Variants in PRELP observed in about 807,000 individuals in gnomAD.
PRELP encodes proline and arginine rich end leucine rich repeat protein, also known as prolargin.
A neutral mutation model predicts 22.8 loss-of-function variants in PRELP; 16 were observed. The observed-to-expected ratio is 0.70, with a 90% CI of 0.47 to 1.06. The LOEUF is 1.06. PRELP is among the 50% of genes least tolerant of loss of function. The pLI is 0.00. For synonymous variants in PRELP, 233 were observed against 211.4 expected (o/e 1.10, Z -0.89); for missense variants, 434 against 485.2 (o/e 0.89, Z 0.99).
intron 2 of PRELP, among the ~76,000 whole-genome samples, chr1:203,484,703 G>A (rs1180622620): frequency 6.6e-6 from 1 of 152,300 alleles, no homozygotes; most frequent in Middle Eastern, 3.4e-3. Flanking sequence ...TGGCAGTCAG[G>A]AAAAGAAGGT....
At position 203,481,236 on chromosome 1, in the gene PRELP, A is replaced by T. The variant is rs754190627; in HGVS notation, c.-16-1933A>T. 2.4e-3 allele frequency among the ~76,000 whole-genome samples: 360 copies of T among 150,832 alleles called. 1 individual carries two copies. Among genetic ancestry groups the T allele is most frequent in the Non-Finnish European group, 3.3e-3 (224 of 67,524 alleles). ...AGGCTTCTGGGTGATTAGAAAATAAATTTTTTTTTTTAAATCAGGGTCACA... is the reference window on the plus strand; with the variant it reads ...AGGCTTCTGGGTGATTAGAAAATAATTTTTTTTTTTTAAATCAGGGTCACA... On this transcript the variant is annotated intron_variant, in intron 1 of 2. Transcript: ENST00000343110.
intron 2 of PRELP, among the ~76,000 whole-genome samples, 165 bp from the exon 3 acceptor site, chr1:203,486,541 A>G (rs1231827338): frequency 6.6e-6 from 1 of 152,210 alleles, no homozygotes; most frequent in Non-Finnish European, 1.5e-5. Flanking sequence ...GAGTAAACTG[A>G]GCCTGGAGGT....
At position 203,491,310 on chromosome 1, in the gene PRELP, G is replaced by C. The variant is rs540938936; in HGVS notation, c.*4429G>C. ...CGCTGACTCTTTTCGGACTCAGCCC[G>C]CCTGCACCCAGGTGAAATAAACAGC... On this transcript the variant is annotated 3_prime_UTR_variant, in exon 3 of 3. Coordinates refer to ENST00000343110, the MANE Select transcript of PRELP (RefSeq NM_002725.4). The surrounding 1 kb of genome is among the most constrained non-coding windows in gnomAD (Gnocchi z 4.4). The C allele has an allele frequency of 6.6e-6, 1 of 152,044 alleles. No individual in the cohort carries two copies. Among genetic ancestry groups the C allele is most frequent in the Admixed American group, 6.6e-5 (1 of 15,266 alleles). 9.4% of individuals were successfully genotyped at this position (152,044 alleles called of 1,614,324 possible).
At chr1:203,478,824 A>C (rs1256798418) in intron 1 of PRELP, among the ~76,000 whole-genome samples, 1 of 152,076 alleles carries the variant, frequency 6.6e-6, no homozygotes, top group East Asian at 1.9e-4. Flanking sequence ...CTCCTTTGTT[A>C]TCTCAGGACC....
In PRELP at chr1:203,483,467, C is replaced by A. The variant is rs537589540; in HGVS notation, c.283C>A (p.Arg95=). The change falls in exon 2 of 3, where the codon CGA becomes AGA. Residue 95 remains arginine (R), a synonymous_variant. Transcript: ENST00000343110. The surrounding 1 kb of genome is among the most constrained non-coding windows in gnomAD (Gnocchi z 4.4). ...CCTCTACTGTGATAGCCGCAACCTG[C>A]GAAAGGTCCCTGTCATCCCGCCCCG... is the stretch of plus-strand genomic sequence containing the variant. ...SALYCDSRNL[R]KVPVIPPRIH... 6 of 1,614,206 alleles carry A rather than the reference C, an allele frequency of 3.7e-6. No homozygotes were observed. Among genetic ancestry groups the A allele is most frequent in the African/African-American group, 2.7e-5 (2 of 75,064 alleles).
chr1:203,483,742 C>G lies in PRELP; in HGVS notation c.558C>G (p.Ile186Met), dbSNP rs1394308291. Residue 186 changes from isoleucine to methionine, a missense_variant, in exon 2 of 3, where the codon ATC (isoleucine) becomes ATG (methionine). By Grantham distance (10) the Ile-to-Met change is conservative. Coordinates refer to ENST00000343110, the MANE Select transcript of PRELP (RefSeq NM_002725.4). This position sits in a 1 kb window ranked among gnomAD's most constrained non-coding sequence, Gnocchi z 4.4. ...TGAGCCAGAACCACATCTCCAGAAT[C>G]CCGCCTGGTGTCTTCAGCAAGCTGG... ...LRLSQNHISR[I>M]PPGVFSKLEN... 1 of 1,614,236 alleles carries G rather than the reference C, an allele frequency of 6.2e-7. No homozygotes were observed. The highest frequency in any genetic ancestry group is 1.7e-5 in the Admixed American group (1 of 60,032).
intron 2 of PRELP, 69 bp from the exon 3 acceptor site, chr1:203,486,637 C>T: frequency 1.4e-6 from 2 of 1,442,052 alleles, no homozygotes; most frequent in Admixed American, 1.8e-5. Flanking sequence ...GGTGTCTTCC[C>T]CCTTCCCCTT....
At chr1:203,477,549 C>CATGT (rs1196555183) in intron 1 of PRELP, among the ~76,000 whole-genome samples, 1 of 152,110 alleles carries the variant, frequency 6.6e-6, no homozygotes, top group African/African-American at 2.4e-5. Context: ...ACCCCAGGAG[C>CATGT]ATGTGCTGGG....
intron 1 of PRELP, among the ~76,000 whole-genome samples, chr1:203,479,119 G>T (rs1040215370): frequency 6.6e-6 from 1 of 152,136 alleles, no homozygotes; most frequent in South Asian, 2.1e-4. Flanking sequence ...AGGCTTAGGG[G>T]TGACCAATTA....
chr1:203,486,969 C>G lies in PRELP; in HGVS notation c.*88C>G. The G allele has an allele frequency of 2.9e-6, 4 of 1,374,440 alleles. No homozygotes were observed. The highest frequency in any genetic ancestry group is 3.9e-6 in the Non-Finnish European group (4 of 1,023,402). The allele number at this position is 1,374,440 out of a possible 1,614,324, so 85.1% of individuals were successfully genotyped here. On this transcript the variant is annotated 3_prime_UTR_variant, in exon 3 of 3. Transcript: ENST00000343110. ...CCGGCCATTCGTTTTCTCTCTCTCC[C>G]TTTCTTTCTCCCAGCTTTGCCTCCC...
chr1:203,484,859 T>A (rs1661066709), intron 2 of PRELP, among the ~76,000 whole-genome samples: 1 of 152,234 alleles, frequency 6.6e-6, no homozygotes, highest in Admixed American at 6.5e-5. Flanking sequence ...GTTGCAGTTT[T>A]GCTTCAATCA....
chr1:203,480,694 G>A (rs1165178255), intron 1 of PRELP, among the ~76,000 whole-genome samples: 5 of 152,236 alleles, frequency 3.3e-5, no homozygotes, highest in Non-Finnish European at 5.9e-5. Context: ...CAGCCCTGGG[G>A]CTGAGGGAAG....
intron 1 of PRELP, among the ~76,000 whole-genome samples, chr1:203,481,562 A>G (rs1661000448): frequency 6.6e-6 from 1 of 152,224 alleles, no homozygotes; most frequent in Non-Finnish European, 1.5e-5. Flanking sequence ...GGCCAGGGAA[A>G]ATGGCCTTCC....
chr1:203,486,698 T>C lies in PRELP; in HGVS notation c.974-8T>C, dbSNP rs1438640834. 2.5e-6 allele frequency: 4 copies of C among 1,606,438 alleles called. No individual in the cohort carries two copies. Reference sequence around the variant, plus strand: ...TCCCTTCTGATTTCTCGTCTTCTTTTTCCGTAGAAATCAACGGAACCCAGA... The same window carrying C: ...TCCCTTCTGATTTCTCGTCTTCTTTCTCCGTAGAAATCAACGGAACCCAGA... On this transcript the variant is annotated splice_polypyrimidine_tract_variant and splice_region_variant and intron_variant, in intron 2 of 2. Coordinates refer to ENST00000343110, the MANE Select transcript of PRELP (RefSeq NM_002725.4).
chr1:203,481,218 T>C (rs972965538), intron 1 of PRELP, among the ~76,000 whole-genome samples: 2 of 150,680 alleles, frequency 1.3e-5, no homozygotes, highest in Non-Finnish European at 1.5e-5. Context: ...TCTAGGCTTC[T>C]GGGTGATTAG....
chr1:203,482,314 T>C (rs1558231298), intron 1 of PRELP, among the ~76,000 whole-genome samples: 1 of 152,048 alleles, frequency 6.6e-6, no homozygotes, highest in East Asian at 1.9e-4. Flanking sequence ...GTTTTGCTCT[T>C]GTTGCCCAGG....
Position 203,486,955 on chromosome 1 carries a change from T to C in PRELP, c.*74T>C. 1 of 1,425,636 alleles carries C rather than the reference T, an allele frequency of 7.0e-7. No homozygotes were observed. The highest frequency in any genetic ancestry group is 1.4e-5 in the African/African-American group (1 of 69,864). 88.3% of individuals were successfully genotyped at this position (1,425,636 alleles called of 1,614,324 possible). A position where few individuals can be genotyped will look rare whatever the true frequency, so the allele number is the denominator to read the frequency against. On this transcript the variant is annotated 3_prime_UTR_variant, in exon 3 of 3. Transcript: ENST00000343110. ...CCCAGGCACCTGTGCCGGCCATTCG[T>C]TTTCTCTCTCTCCCTTTCTTTCTCC...
rs1661184448 is a variant in PRELP at position 203,491,104 on chromosome 1, C to T, written c.*4223C>T. On this transcript the variant is annotated 3_prime_UTR_variant, in exon 3 of 3. Coordinates refer to ENST00000343110, the MANE Select transcript of PRELP (RefSeq NM_002725.4). The surrounding 1 kb of genome is among the most constrained non-coding windows in gnomAD (Gnocchi z 4.4). Reference sequence around the variant, plus strand: ...ACAAAAGAAGTGAAAATGGCTGGTCCCTGCCTTAACTGATGACATTACCTT... The same window carrying T: ...ACAAAAGAAGTGAAAATGGCTGGTCTCTGCCTTAACTGATGACATTACCTT... 2.0e-5 allele frequency: 3 copies of T among 152,278 alleles called. No individual in the cohort carries two copies. The South Asian group carries it at 6.2e-4, about 32-fold the overall frequency. 9.4% of individuals were successfully genotyped at this position (152,278 alleles called of 1,614,324 possible).
intron 1 of PRELP, among the ~76,000 whole-genome samples, chr1:203,478,191 T>C (rs1014307185): frequency 2.0e-5 from 3 of 152,180 alleles, no homozygotes; most frequent in Non-Finnish European, 2.9e-5. Flanking sequence ...AGAAAAGCAA[T>C]TGCTTTGCCT....
Sources: allele counts gnomAD v4.1 joint callset (sites outside exome capture counted in the v4.1 genomes callset), GRCh38; gene constraint gnomAD v4.1.1; non-coding constraint Gnocchi (gnomAD v3.1); transcripts MANE v1.5; gene names NCBI Gene and HGNC (gene_info 2026-07-23, HGNC 2026-07-21).